Variants in TSPAN2 observed in about 807,000 individuals in gnomAD.
The protein encoded by TSPAN2 is tetraspanin-2.
A neutral mutation model predicts 33.3 loss-of-function variants in TSPAN2; 24 were observed. The observed-to-expected ratio is 0.72, with a 90% CI of 0.52 to 1.01. The LOEUF is 1.01. TSPAN2 is among the 50% of genes least tolerant of loss of function. The pLI is 0.00. For missense variants in TSPAN2, 278 were observed against 281.3 expected (o/e 0.99, Z 0.08); for synonymous variants, 114 against 104.5 (o/e 1.09, Z -0.56).
intron 5 of TSPAN2, among the ~76,000 whole-genome samples, chr1:115,057,960 G>C (rs1647502026): frequency 6.6e-6 from 1 of 152,204 alleles, no homozygotes. Context: ...CTGCTGAGGA[G>C]CTCAAGTTTT....
At chr1:115,089,339 C>T in intron 1 of TSPAN2, 25 bp downstream of exon 1, 1 of 1,555,264 alleles carries the variant, frequency 6.4e-7, no homozygotes, top group Non-Finnish European at 8.7e-7. Context: ...CTGCCCTGAC[C>T]GGCCCTCCCG....
chr1:115,076,257 T>G (rs1383094751), intron 1 of TSPAN2, among the ~76,000 whole-genome samples: 1 of 152,138 alleles, frequency 6.6e-6, no homozygotes, highest in East Asian at 1.9e-4. Flanking sequence ...CTTACCTCGA[T>G]GCTGTGTTTG....
chr1:115,066,749 A>G (rs1177477852), intron 2 of TSPAN2, among the ~76,000 whole-genome samples: 1 of 152,230 alleles, frequency 6.6e-6, no homozygotes, highest in African/African-American at 2.4e-5. Flanking sequence ...TGCATATAAT[A>G]ATGCAAATAT....
chr1:115,073,634 A>G (rs1404639535), intron 1 of TSPAN2, among the ~76,000 whole-genome samples: 2 of 151,878 alleles, frequency 1.3e-5, no homozygotes, highest in African/African-American at 4.8e-5. Flanking sequence ...TTTTGCTGGT[A>G]GGGAGATAGC....
chr1:115,076,107 A>T (rs2101042614), intron 1 of TSPAN2, among the ~76,000 whole-genome samples: 1 of 152,318 alleles, frequency 6.6e-6, no homozygotes, highest in Admixed American at 6.5e-5. Flanking sequence ...GGATTGGAGC[A>T]AACTGTAGCC....
chr1:115,085,605 T>G (rs1648802943), intron 1 of TSPAN2, among the ~76,000 whole-genome samples: 1 of 152,186 alleles, frequency 6.6e-6, no homozygotes, highest in African/African-American at 2.4e-5. Flanking sequence ...AGCTAAAGTC[T>G]GGCCTTCTAG....
chr1:115,067,610 T>G (rs574031575), intron 2 of TSPAN2, among the ~76,000 whole-genome samples: 2 of 151,960 alleles, frequency 1.3e-5, no homozygotes, highest in African/African-American at 2.4e-5. Context: ...GCCACCCCCT[T>G]GGTGTTCGGC....
chr1:115,075,567 A>G (rs1648371765), intron 1 of TSPAN2, among the ~76,000 whole-genome samples: 1 of 151,822 alleles, frequency 6.6e-6, no homozygotes, highest in Non-Finnish European at 1.5e-5. Flanking sequence ...ACAGACTAGA[A>G]ATTGCTTGAA....
At chr1:115,074,159 G>A (rs934571189) in intron 1 of TSPAN2, among the ~76,000 whole-genome samples, 1 of 152,160 alleles carries the variant, frequency 6.6e-6, no homozygotes, top group African/African-American at 2.4e-5. Context: ...CACAGACGCT[G>A]GGAACAGGAG....
At chr1:115,052,826 T>C (rs1160130003) in intron 7 of TSPAN2, among the ~76,000 whole-genome samples, 1 of 152,226 alleles carries the variant, frequency 6.6e-6, no homozygotes, top group Non-Finnish European at 1.5e-5. Context: ...CTACTGTATA[T>C]GTAGTATCCC....
At chr1:115,050,643 G>A (rs926059678) in intron 7 of TSPAN2, 88 bp from the exon 8 acceptor site, 13 of 998,234 alleles carry the variant, frequency 1.3e-5, no homozygotes, top group Non-Finnish European at 1.6e-5. Flanking sequence ...TCTAACTCAA[G>A]TTAACAAATA....
intron 4 of TSPAN2, among the ~76,000 whole-genome samples, chr1:115,059,864 A>G (rs1304644816): frequency 6.6e-6 from 1 of 152,228 alleles, no homozygotes; most frequent in Non-Finnish European, 1.5e-5. Context: ...CACAAGAGTT[A>G]ATGTGAAATA....
intron 1 of TSPAN2, among the ~76,000 whole-genome samples, chr1:115,088,544 T>TA (rs1204144432): frequency 6.6e-6 from 1 of 152,206 alleles, no homozygotes; most frequent in Non-Finnish European, 1.5e-5. Context: ...GCTGTATCCC[T>TA]GTCTCGATAA....
At chr1:115,065,655 G>A (rs1647925035) in intron 2 of TSPAN2, among the ~76,000 whole-genome samples, 2 of 151,794 alleles carry the variant, frequency 1.3e-5, no homozygotes, top group African/African-American at 2.4e-5. Flanking sequence ...ACATTTTGGG[G>A]GTACATATGC....
At chr1:115,060,635 T>A in intron 3 of TSPAN2, 97 bp from the exon 4 acceptor site, 1 of 859,958 alleles carries the variant, frequency 1.2e-6, no homozygotes, top group Non-Finnish European at 1.8e-6. Context: ...TGAATCGCTT[T>A]CATGTGGTTC....
chr1:115,081,567 G>A (rs966686535), intron 1 of TSPAN2, among the ~76,000 whole-genome samples: 12 of 152,154 alleles, frequency 7.9e-5, no homozygotes, highest in Admixed American at 5.9e-4. Flanking sequence ...GGGGTTCTAC[G>A]CATTTGGGTT....
intron 7 of TSPAN2, among the ~76,000 whole-genome samples, chr1:115,052,661 T>A (rs1647221181): frequency 2.0e-5 from 3 of 152,256 alleles, no homozygotes; most frequent in Admixed American, 6.5e-5. Flanking sequence ...ACTCTTCTTT[T>A]GTACTTTAGA....
At chr1:115,075,285 A>C (rs2101041891) in intron 1 of TSPAN2, among the ~76,000 whole-genome samples, 1 of 152,036 alleles carries the variant, frequency 6.6e-6, no homozygotes, top group South Asian at 2.1e-4. Flanking sequence ...CTAACCCCCA[A>C]CCACACGGGT....
intron 2 of TSPAN2, among the ~76,000 whole-genome samples, chr1:115,071,588 T>C (rs957644130): frequency 9.2e-5 from 14 of 152,230 alleles, no homozygotes; most frequent in Non-Finnish European, 5.9e-5. Flanking sequence ...ATGCTGAAAT[T>C]AGAATGCATC....
Sources: allele counts gnomAD v4.1 joint callset (sites outside exome capture counted in the v4.1 genomes callset), GRCh38; gene constraint gnomAD v4.1.1; transcripts MANE v1.5; gene names NCBI Gene and HGNC (gene_info 2026-07-23, HGNC 2026-07-21).